CDH23: variants seen among roughly 807,000 people sequenced by gnomAD.
CDH23 encodes the protein cadherin-23.
A neutral mutation model predicts 317.1 loss-of-function variants in CDH23; 189 were observed. The observed-to-expected ratio is 0.60, with a 90% CI of 0.53 to 0.67. The LOEUF (loss-of-function observed/expected upper bound fraction) is 0.67. Among genes scored for constraint, CDH23 ranks in the 30% least tolerant of loss-of-function variants. CDH23 has a pLI of 0.00. For missense variants in CDH23, 4,401 were observed against 4,592.4 expected (o/e 0.96, Z 1.20); for synonymous variants, 1,839 against 1,876.8 (o/e 0.98, Z 0.52).
intron 1 of CDH23, among the ~76,000 whole-genome samples, chr10:71,429,657 C>T (rs10823747): frequency 0.31 from 46,723 of 152,024 alleles, 7,361 homozygotes; most frequent in Middle Eastern, 0.45. Context: ...GGAAGATGTT[C>T]GTTAACTGAA....
At chr10:71,695,013 A>G (rs745919382) in intron 21 of CDH23, among the ~76,000 whole-genome samples, 2 of 152,214 alleles carry the variant, frequency 1.3e-5, no homozygotes, top group Non-Finnish European at 2.9e-5. Context: ...TCAGAGCCCT[A>G]TAAATAATGT....
At chr10:71,809,745 C>CT (rs1259105293) in intron 60 of CDH23, 75 bp from the exon 61 acceptor site, 3 of 1,561,160 alleles carry the variant, frequency 1.9e-6, no homozygotes, top group Non-Finnish European at 2.6e-6. Context: ...CCACCTACCC[C>CT]AGGGCTCATG....
chr10:71,575,055 C>G (rs866365684), intron 8 of CDH23, among the ~76,000 whole-genome samples: 1 of 152,238 alleles, frequency 6.6e-6, no homozygotes, highest in South Asian at 2.1e-4. Context: ...AGAGGGGGAA[C>G]CTTGCTGGGG....
rs536373745 is a variant in CDH23, at chr10:71,568,850, T to G, written c.624+1914T>G. On this transcript the variant is annotated intron_variant, in intron 7 of 69. Transcript: ENST00000224721. The stretch of plus-strand genomic sequence containing the variant: ...TGGGAGCCTGACAGGATCACTCCCC[T>G]TTCCCCACCACAGAGTCCAGAGTGG... 7.4e-4 allele frequency among the ~76,000 whole-genome samples: 113 copies of G among 152,284 alleles called. 1 individual carries two copies. Among genetic ancestry groups the G allele is most frequent in the African/African-American group, 2.6e-3 (109 of 41,568 alleles).
rs186551985 is a variant in CDH23 at position 71,462,562 on chromosome 10, C to A, written c.145+16167C>A. ...GTGCCAAGGAGCAAAGTGCTCTGCA[C>A]CCTGGCTCTGCCCTAACGCATGCAG... On this transcript the variant is annotated intron_variant, in intron 3 of 69. Transcript: ENST00000224721. Among the ~76,000 whole-genome samples the A allele has an allele frequency of 5.2e-5, 8 of 152,384 alleles. No homozygotes were observed. In the East Asian group the frequency reaches 1.5e-3, roughly 29 times the overall value.
rs769597414 is a variant in CDH23, at chr10:71,725,426, G to A, written c.3485G>A (p.Gly1162Glu). 6.2e-7 allele frequency: 1 copy of A among 1,614,010 alleles called. No homozygotes were observed. Among genetic ancestry groups the A allele is most frequent in the Non-Finnish European group, 8.5e-7 (1 of 1,179,886 alleles). Residue 1162 changes from glycine to glutamate, a missense_variant, in exon 30 of 70, where the codon GGG becomes GAG. By Grantham distance (98) the Gly-to-Glu change is moderately conservative (BLOSUM62 -2). Around this residue, in one of 3 missense-constraint regions of CDH23, gnomAD observed 3,068 missense variants for 3,203.3 expected, o/e 0.96. Coordinates refer to ENST00000224721, the MANE Select transcript of CDH23 (RefSeq NM_022124.6). ...IHVSNGLLMR[G>E]PRPLDRERNS... The stretch of plus-strand genomic sequence containing the variant: ...GTCAGCAATGGGCTCCTGATGCGAG[G>A]GCCCCGGCCCCTGGACCGGGAGCGG...
At chr10:71,468,201 G>A (rs902062387) in intron 3 of CDH23, among the ~76,000 whole-genome samples, 1 of 152,204 alleles carries the variant, frequency 6.6e-6, no homozygotes, top group African/African-American at 2.4e-5. Context: ...CCAAACTTGA[G>A]ACTTGATGGC....
intron 28 of CDH23, 180 bp downstream of exon 28, chr10:71,712,993 A>T: frequency 1.3e-6 from 1 of 787,462 alleles, no homozygotes; most frequent in Non-Finnish European, 2.2e-6. Flanking sequence ...CATCCCAGGG[A>T]GTGTGGGCCC....
chr10:71,630,177 G>A (rs1861935189), intron 11 of CDH23, among the ~76,000 whole-genome samples: 1 of 151,986 alleles, frequency 6.6e-6, no homozygotes, highest in South Asian at 2.1e-4. Context: ...ACATGCCACT[G>A]TGCCTAGCTA....
At chr10:71,421,825 AGCGT>A (rs1848831974) in intron 1 of CDH23, among the ~76,000 whole-genome samples, 1 of 149,684 alleles carries the variant, frequency 6.7e-6, no homozygotes, top group Non-Finnish European at 1.5e-5. Flanking sequence ...ATTGTGAGGA[AGCGT>A]GTGTGTGTGT....
chr10:71,489,592 G>GC (rs1205247187), intron 3 of CDH23, among the ~76,000 whole-genome samples: 1 of 109,220 alleles, frequency 9.2e-6, no homozygotes, highest in African/African-American at 3.5e-5. Flanking sequence ...ACAGTGCCTC[G>GC]GGGTGTGTGT....
At chr10:71,479,136 C>T (rs545146604) in intron 3 of CDH23, among the ~76,000 whole-genome samples, 3 of 152,304 alleles carry the variant, frequency 2.0e-5, no homozygotes, top group Admixed American at 6.5e-5. Flanking sequence ...AGGTTAAGTG[C>T]CCTGACCGGG....
rs764053684 is a variant in CDH23, at chr10:71,806,294, A to C, written c.8178+13A>C. 2 of 1,534,004 alleles carry C rather than the reference A, an allele frequency of 1.3e-6. No homozygotes were observed. Among genetic ancestry groups the C allele is most frequent in the Non-Finnish European group, 1.8e-6 (2 of 1,135,078 alleles). On this transcript the variant is annotated intron_variant, in intron 57 of 69. Coordinates refer to ENST00000224721, the MANE Select transcript of CDH23 (RefSeq NM_022124.6). ...CGTGAGGCCTCCAGTGAGCTTGCCC[A>C]CCTCCTGCGCTGGTCACACCCACAC...
At position 71,788,970 on chromosome 10, in the gene CDH23, G is replaced by C; in HGVS notation, c.5851G>C (p.Asp1951His). 1 of 1,599,744 alleles carries C rather than the reference G, an allele frequency of 6.3e-7. No individual in the cohort carries two copies. Among genetic ancestry groups the C allele is most frequent in the Non-Finnish European group, 8.6e-7 (1 of 1,166,922 alleles). ...DYDLLLIFLS[D>H]ENDNHPLFTK... is the part of the protein sequence containing the mutation. ...TGACTTGCTTCTGATCTTCCTTTCTGATGAGAATGACAACCACCCCCTCTT... is the reference window on the plus strand; with the variant it reads ...TGACTTGCTTCTGATCTTCCTTTCTCATGAGAATGACAACCACCCCCTCTT... The change falls in exon 45 of 70, where the codon GAT becomes CAT. Residue 1951 changes from aspartate (D) to histidine (H), a missense_variant. Transcript: ENST00000224721.
chr10:71,522,572 T>C (rs1564630470), intron 6 of CDH23, among the ~76,000 whole-genome samples: 1 of 152,210 alleles, frequency 6.6e-6, no homozygotes, highest in Non-Finnish European at 1.5e-5. Flanking sequence ...TCTGATCAAA[T>C]GCATGTGGTG....
At position 71,798,598 on chromosome 10, in the gene CDH23, G is replaced by C; in HGVS notation, c.7054+20G>C. On this transcript the variant is annotated intron_variant, in intron 50 of 69. Coordinates refer to ENST00000224721, the MANE Select transcript of CDH23 (RefSeq NM_022124.6). ...CGGCAGGTAGGTTAGAAATCTGTCA[G>C]AGGAGGGCTGGGGGACATATATCTC... 6.4e-7 allele frequency: 1 copy of C among 1,573,450 alleles called. No individual in the cohort carries two copies. The highest frequency in any genetic ancestry group is 8.7e-7 in the Non-Finnish European group (1 of 1,155,124).
In CDH23 at chr10:71,724,476, G is replaced by A. The variant is rs376965200; in HGVS notation, c.3430+371G>A. Among the ~76,000 whole-genome samples, 31 of 152,302 alleles carry A rather than the reference G, an allele frequency of 2.0e-4. 1 individual carries two copies. In the South Asian group the frequency reaches 4.8e-3, roughly 23 times the overall value. ...TACAGGCGCATGCCTGTAATTTTTT[G>A]TGCTTTTAGTAGAGACAGGGTTTCA... On this transcript the variant is annotated intron_variant, in intron 29 of 69. Coordinates refer to ENST00000224721, the MANE Select transcript of CDH23 (RefSeq NM_022124.6).
chr10:71,430,335 G>A (rs1364028816), intron 1 of CDH23, among the ~76,000 whole-genome samples: 3 of 152,168 alleles, frequency 2.0e-5, no homozygotes, highest in Admixed American at 1.3e-4. Context: ...AAAGATGTGG[G>A]GAAACCGCTT....
chr10:71,699,782 G>A (rs147991974), intron 22 of CDH23, among the ~76,000 whole-genome samples: 2 of 152,138 alleles, frequency 1.3e-5, no homozygotes, highest in Non-Finnish European at 2.9e-5. Context: ...CTACAAAATC[G>A]CCCAGCAGGG....
Sources: gnomAD v4.1 joint callset for allele counts (sites outside exome capture counted in the v4.1 genomes callset) on GRCh38, gnomAD v4.1.1 for gene constraint, gnomAD v4.1.1 regional missense constraint, MANE v1.5 for transcripts, NCBI Gene and HGNC (gene_info 2026-07-23, HGNC 2026-07-21) for gene names.